LRIG3: variants seen among roughly 807,000 people sequenced by gnomAD.
LRIG3 encodes the protein leucine-rich repeats and immunoglobulin-like domains protein 3.
In LRIG3, 76 loss-of-function variants were observed where a neutral mutation model predicts 114.5. That is an observed-to-expected ratio of 0.66 (90% confidence interval 0.55 to 0.80). LRIG3 has a LOEUF of 0.80. Ranked by LOEUF, LRIG3 falls within the 30% of genes least tolerant of loss-of-function variation. LRIG3 has a pLI of 0.00. For missense variants in LRIG3, 1,239 were observed against 1,382.8 expected (o/e 0.90, Z 1.65); for synonymous variants, 512 against 519.8 (o/e 0.98, Z 0.20).
At chr12:58,892,849 C>T (rs1871501978) in intron 3 of LRIG3, among the ~76,000 whole-genome samples, 2 of 152,310 alleles carry the variant, frequency 1.3e-5, no homozygotes, top group Admixed American at 6.5e-5. Context: ...GTTCCTAAAG[C>T]AATCCCTTAA....
chr12:58,917,178 C>T (rs940103212), intron 1 of LRIG3, among the ~76,000 whole-genome samples: 12 of 152,016 alleles, frequency 7.9e-5, no homozygotes, highest in African/African-American at 2.9e-4. Context: ...AACAGGTCAA[C>T]ACTAAAGAAG....
intron 5 of LRIG3, among the ~76,000 whole-genome samples, 167 bp downstream of exon 5, chr12:58,889,829 G>T (rs75238777): frequency 6.6e-6 from 1 of 152,100 alleles, no homozygotes; most frequent in African/African-American, 2.4e-5. Flanking sequence ...ACGAGATGAT[G>T]TTTAAGGCTC....
chr12:58,882,910 C>T lies in LRIG3; in HGVS notation c.1439G>A (p.Gly480Glu). The T allele has an allele frequency of 6.2e-7, 1 of 1,614,132 alleles. No individual in the cohort carries two copies. The change falls in exon 12 of 19, where the codon GGA (glycine) becomes GAA (glutamate). Residue 480 changes from glycine to glutamate, a missense_variant. Coordinates refer to ENST00000320743, the MANE Select transcript of LRIG3 (RefSeq NM_153377.5). The stretch of plus-strand genomic sequence containing the variant: ...TGGGCTAACAGCAAAAATGCTTCTT[C>T]CTTTTAGCAGCTGAGGATGGGCACA... ...ASCAHPQLLK[G>E]RSIFAVSPDG...
In LRIG3 at chr12:58,920,207, G is replaced by T; in HGVS notation, c.29C>A (p.Ala10Asp). Residue 10 changes from alanine (A) to aspartate (D), a missense_variant, in exon 1 of 19, where the codon GCC becomes GAC. Physicochemically the swap from Ala to Asp is moderately radical, Grantham distance 126 (BLOSUM62 -2). Coordinates refer to ENST00000320743, the MANE Select transcript of LRIG3 (RefSeq NM_153377.5). ...GCACAGCAGCAGCCCCAACCCCGCG[G>T]CGCGCGCACGGAGGCTCGGCGCGCT... MSAPSLRARAAGLGLLLCAV... is the reference protein window; with the variant it reads MSAPSLRARDAGLGLLLCAV... 7.1e-7 allele frequency: 1 copy of T among 1,405,860 alleles called. No individual in the cohort carries two copies. Among genetic ancestry groups the T allele is most frequent in the Non-Finnish European group, 9.2e-7 (1 of 1,090,632 alleles). The allele number at this position is 1,405,860 out of a possible 1,614,324, so 87.1% of individuals were successfully genotyped here.
At chr12:58,911,957 A>G (rs753147782) in intron 3 of LRIG3, among the ~76,000 whole-genome samples, 2 of 152,226 alleles carry the variant, frequency 1.3e-5, no homozygotes, top group Admixed American at 6.5e-5. Flanking sequence ...CGCAGAGTCT[A>G]TGTAATCTAG....
chr12:58,896,869 A>C (rs918847153), intron 3 of LRIG3, among the ~76,000 whole-genome samples: 2 of 152,220 alleles, frequency 1.3e-5, no homozygotes, highest in African/African-American at 2.4e-5. Context: ...TCTATATATA[A>C]CTTGCAAACA....
chr12:58,874,989 A>G (rs1466113684), intron 16 of LRIG3, among the ~76,000 whole-genome samples: 1 of 152,250 alleles, frequency 6.6e-6, no homozygotes, highest in African/African-American at 2.4e-5. Flanking sequence ...GAACCAAACA[A>G]CACAGAAATA....
At chr12:58,909,859 G>A (rs1300987331) in intron 3 of LRIG3, among the ~76,000 whole-genome samples, 1 of 152,218 alleles carries the variant, frequency 6.6e-6, no homozygotes. Context: ...TGGCTTCTCA[G>A]CCATCATGTG....
chr12:58,893,362 A>G (rs546746421), intron 3 of LRIG3, among the ~76,000 whole-genome samples: 1 of 152,368 alleles, frequency 6.6e-6, no homozygotes, highest in East Asian at 1.9e-4. Flanking sequence ...TAGATAATGT[A>G]TATCTTAAGA....
intron 5 of LRIG3, among the ~76,000 whole-genome samples, chr12:58,889,454 A>G (rs1871379241): frequency 6.6e-6 from 1 of 152,112 alleles, no homozygotes; most frequent in South Asian, 2.1e-4. Context: ...GGAGTTTTAA[A>G]AATTTCTGAA....
At chr12:58,886,477 A>T (rs1282688665) in intron 9 of LRIG3, among the ~76,000 whole-genome samples, 2 of 151,926 alleles carry the variant, frequency 1.3e-5, no homozygotes, top group Non-Finnish European at 2.9e-5. Context: ...TACAACATTG[A>T]GGATTTCAAG....
Position 58,914,536 on chromosome 12 carries a change from C to A in LRIG3, c.237-200G>T, listed in dbSNP as rs1872405509. Reference sequence around the variant, plus strand: ...GACAAAATTAGTTTAGGGAGACTGGCAGATTCAAATACTTTAAGCCCACAA... The same window carrying A: ...GACAAAATTAGTTTAGGGAGACTGGAAGATTCAAATACTTTAAGCCCACAA... On this transcript the variant is annotated intron_variant, in intron 1 of 18. Transcript: ENST00000320743. 4 of 543,612 alleles carry A rather than the reference C, an allele frequency of 7.4e-6. No homozygotes were observed. In the East Asian group the frequency reaches 1.2e-4, roughly 16 times the overall value. The allele number at this position is 543,612 out of a possible 1,614,324, so 33.7% of individuals were successfully genotyped here.
rs771491665 is a variant in LRIG3 at position 58,888,829 on chromosome 12, T to C, written c.793A>G (p.Met265Val). 1.9e-6 allele frequency: 3 copies of C among 1,613,526 alleles called. No homozygotes were observed. Among genetic ancestry groups the C allele is most frequent in the Admixed American group, 1.7e-5 (1 of 59,950 alleles). The change falls in exon 6 of 19, where the codon ATG (methionine) becomes GTG (valine). Residue 265 changes from methionine (M) to valine (V), a missense_variant. Met to Val is a conservative substitution (Grantham distance 21, BLOSUM62 1). Transcript: ENST00000320743. ...MDGAFWGLSN[M>V]EILQLDHNNL... ...ATAACCCACACTTACAAAATTTCCA[T>C]GTTGCTCAGCCCCCAAAAAGCTCCA...
chr12:58,900,592 G>C (rs1287395820), intron 3 of LRIG3, among the ~76,000 whole-genome samples: 1 of 151,972 alleles, frequency 6.6e-6, no homozygotes, highest in East Asian at 1.9e-4. Flanking sequence ...AGTTACTATA[G>C]TCTGTTTTAC....
intron 1 of LRIG3, chr12:58,914,576 GT>G (rs35690100): frequency 0.18 from 82,914 of 457,100 alleles, 9,533 homozygotes; most frequent in African/African-American, 0.4. Context: ...TTTAAGAGAT[GT>G]TTTTTTGGCA....
intron 3 of LRIG3, among the ~76,000 whole-genome samples, chr12:58,896,482 G>C (rs1871645482): frequency 6.6e-6 from 1 of 152,172 alleles, no homozygotes; most frequent in African/African-American, 2.4e-5. Flanking sequence ...CAAAAGTGTA[G>C]CTTCCTGTTG....
intron 3 of LRIG3, among the ~76,000 whole-genome samples, chr12:58,900,363 G>C (rs1871800538): frequency 6.6e-6 from 1 of 151,346 alleles, no homozygotes; most frequent in Non-Finnish European, 1.5e-5. Flanking sequence ...AATTTGTATG[G>C]CATCTTTCAT....
rs1871166406 is a variant in LRIG3, at chr12:58,882,963, G to A, written c.1386C>T (p.Asn462=). ...LKWLPQWVAE[N]NFQSFVNASC... Reference sequence around the variant, plus strand: ...TGGCATTTACAAAGCTCTGAAAGTTGTTTTCCGCCACCCACTGTGGGAGCC... The same window carrying A: ...TGGCATTTACAAAGCTCTGAAAGTTATTTTCCGCCACCCACTGTGGGAGCC... Residue 462 remains asparagine, a synonymous_variant, in exon 12 of 19, where the codon AAC becomes AAT. Coordinates refer to ENST00000320743, the MANE Select transcript of LRIG3 (RefSeq NM_153377.5). 6.2e-7 allele frequency: 1 copy of A among 1,614,008 alleles called. No individual in the cohort carries two copies. The highest frequency in any genetic ancestry group is 1.3e-5 in the African/African-American group (1 of 74,934).
At chr12:58,904,673 A>T (rs2120959013) in intron 3 of LRIG3, among the ~76,000 whole-genome samples, 1 of 152,308 alleles carries the variant, frequency 6.6e-6, no homozygotes, top group South Asian at 2.1e-4. Context: ...AAGTCTTATT[A>T]AGGAAAACAA....
Sources: allele counts gnomAD v4.1 joint callset (sites outside exome capture counted in the v4.1 genomes callset), GRCh38; gene constraint gnomAD v4.1.1; transcripts MANE v1.5; gene names NCBI Gene and HGNC (gene_info 2026-07-23, HGNC 2026-07-21).